TASP1: variants seen among roughly 807,000 people sequenced by gnomAD.
TASP1 encodes the protein threonine aspartase 1.
A neutral mutation model predicts 56.6 loss-of-function variants in TASP1; 16 were observed. The observed-to-expected ratio is 0.28, with a 90% CI of 0.19 to 0.43. TASP1 has a LOEUF of 0.43. Among genes scored for constraint, TASP1 ranks in the 20% least tolerant of loss-of-function variants. The pLI, the probability that TASP1 is intolerant of heterozygous loss-of-function variation, is 1.00. For missense variants in TASP1, 393 were observed against 511.6 expected (o/e 0.77, Z 2.24); for synonymous variants, 179 against 184.2 (o/e 0.97, Z 0.23).
chr20:13,152,140 C>A, the TASP1 span, among the ~76,000 whole-genome samples: 2 of 152,094 alleles, frequency 1.3e-5, no homozygotes, highest in African/African-American at 2.4e-5. Flanking sequence ...TTCTAGAATC[C>A]AATTCTGGCT....
chr20:13,161,285 GA>G, the TASP1 span, among the ~76,000 whole-genome samples: 3 of 152,156 alleles, frequency 2.0e-5, no homozygotes, highest in Non-Finnish European at 4.4e-5. Flanking sequence ...TTTTCAATGG[GA>G]GTGGGGGAAT....
chr20:13,235,599 C>T, the TASP1 span, among the ~76,000 whole-genome samples: 1 of 152,218 alleles, frequency 6.6e-6, no homozygotes, highest in East Asian at 1.9e-4. Flanking sequence ...AAAGCTCTCA[C>T]ATGTCATCCT....
At chr20:13,124,002 C>T in the TASP1 span, among the ~76,000 whole-genome samples, 1 of 152,184 alleles carries the variant, frequency 6.6e-6, no homozygotes, top group African/African-American at 2.4e-5. Context: ...CAAATGACTG[C>T]TGCTGTCTCT....
At chr20:13,504,200 C>T (rs777196930) in intron 10 of TASP1, among the ~76,000 whole-genome samples, 3 of 151,848 alleles carry the variant, frequency 2.0e-5, no homozygotes, top group Non-Finnish European at 4.4e-5. Flanking sequence ...AATTTTAAAG[C>T]AGCAAGAGAG....
At chr20:13,204,597 T>C in the TASP1 span, among the ~76,000 whole-genome samples, 1 of 151,820 alleles carries the variant, frequency 6.6e-6, no homozygotes, top group Non-Finnish European at 1.5e-5. Context: ...TGGAGTGCAG[T>C]GGCGCGATCT....
At chr20:13,108,513 C>A in the TASP1 span, among the ~76,000 whole-genome samples, 3 of 152,188 alleles carry the variant, frequency 2.0e-5, no homozygotes, top group African/African-American at 7.2e-5. Flanking sequence ...AATGCACATA[C>A]GCTTCTTGAG....
chr20:13,349,220 T>C, the TASP1 span, among the ~76,000 whole-genome samples: 565 of 152,306 alleles, frequency 3.7e-3, 3 homozygotes, highest in Middle Eastern at 0.017. Context: ...CATTCCAGCA[T>C]TGGAAGACCC....
intron 11 of TASP1, among the ~76,000 whole-genome samples, chr20:13,460,359 TCTTTA>T (rs1305170522): frequency 2.0e-5 from 3 of 152,170 alleles, no homozygotes; most frequent in African/African-American, 7.2e-5. Context: ...CCTCTTTATC[TCTTTA>T]CTTTACCTTT....
At chr20:13,547,814 G>C (rs184907027) in intron 8 of TASP1, among the ~76,000 whole-genome samples, 40 of 152,236 alleles carry the variant, frequency 2.6e-4, no homozygotes, top group African/African-American at 9.6e-4. Flanking sequence ...AAAAAGTAGT[G>C]CATGTATTCA....
chr20:13,221,219 ACTCCTCCTCCTCCTCCTCCTCCTC>A, the TASP1 span, among the ~76,000 whole-genome samples: 1 of 82,726 alleles, frequency 1.2e-5, no homozygotes, highest in Non-Finnish European at 2.6e-5. Flanking sequence ...AAGCCCTCCT[ACTCCTCCTCCTCCTCCTCCTCCTC>A]CTCCTCCTCC....
chr20:13,584,719 T>C (rs1168227973), intron 5 of TASP1, among the ~76,000 whole-genome samples: 3 of 152,128 alleles, frequency 2.0e-5, no homozygotes, highest in East Asian at 1.9e-4. Flanking sequence ...ATTGGTATCA[T>C]ACATAGTATA....
At chr20:13,595,357 T>C (rs1568627770) in intron 4 of TASP1, among the ~76,000 whole-genome samples, 1 of 152,114 alleles carries the variant, frequency 6.6e-6, no homozygotes, top group Non-Finnish European at 1.5e-5. Context: ...AATGACAGGA[T>C]CAAATTCACA....
At chr20:13,637,053 TAATA>T (rs2049336205) in intron 1 of TASP1, among the ~76,000 whole-genome samples, 1 of 152,188 alleles carries the variant, frequency 6.6e-6, no homozygotes, top group Non-Finnish European at 1.5e-5. Flanking sequence ...CATACAACTT[TAATA>T]TAAGACAATT....
At chr20:13,407,531 A>G (rs1055603042) in intron 13 of TASP1, among the ~76,000 whole-genome samples, 13 of 152,208 alleles carry the variant, frequency 8.5e-5, no homozygotes, top group East Asian at 1.9e-4. Flanking sequence ...TAATGCTGCT[A>G]TAAGTATCTA....
the TASP1 span, among the ~76,000 whole-genome samples, chr20:13,235,120 C>T: frequency 3.9e-5 from 6 of 152,186 alleles, no homozygotes; most frequent in African/African-American, 1.4e-4. Context: ...AGCATGTACT[C>T]TCACACTCAT....
chr20:13,373,717 T>G, the TASP1 span, among the ~76,000 whole-genome samples: 1 of 152,162 alleles, frequency 6.6e-6, no homozygotes, highest in Non-Finnish European at 1.5e-5. Flanking sequence ...TTCTATGATA[T>G]GTTAAACAGA....
chr20:13,307,580 C>T, the TASP1 span, among the ~76,000 whole-genome samples: 2 of 152,156 alleles, frequency 1.3e-5, no homozygotes, highest in Non-Finnish European at 2.9e-5. Flanking sequence ...CTCCCATGCC[C>T]CCGTCCAGTA....
chr20:13,269,934 A>AGGATGGATGGATGGAT, the TASP1 span, among the ~76,000 whole-genome samples: 10,180 of 149,814 alleles, frequency 0.068, 407 homozygotes, highest in Middle Eastern at 0.095. Context: ...TGTGGGTGGA[A>AGGATGGATGGATGGAT]GGATGGATGG....
the TASP1 span, among the ~76,000 whole-genome samples, chr20:13,135,494 T>A: frequency 6.6e-6 from 1 of 152,220 alleles, no homozygotes; most frequent in Non-Finnish European, 1.5e-5. Context: ...CTAGTGAATA[T>A]TAGATATTAA....
Sources: allele counts gnomAD v4.1 joint callset (sites outside exome capture counted in the v4.1 genomes callset), GRCh38; gene constraint gnomAD v4.1.1; transcripts MANE v1.5; gene names NCBI Gene and HGNC (gene_info 2026-07-23, HGNC 2026-07-21).